Variants in TRIOBP observed in about 807,000 individuals in gnomAD.
TRIOBP encodes TRIO and F-actin binding protein.
In TRIOBP, 169 loss-of-function variants were observed where a neutral mutation model predicts 238.8. The observed-to-expected ratio is 0.71, with a 90% confidence interval of 0.62 to 0.80. The LOEUF (loss-of-function observed/expected upper bound fraction) is 0.80. TRIOBP is among the 30% of genes least tolerant of loss of function. The pLI is 0.00. For missense variants in TRIOBP, 2,838 were observed against 3,122.6 expected (o/e 0.91, Z 2.17); for synonymous variants, 1,150 against 1,274.4 (o/e 0.90, Z 2.08).
At chr22:37,711,637 A>C (rs945169887) in intron 4 of TRIOBP, among the ~76,000 whole-genome samples, 2 of 152,082 alleles carry the variant, frequency 1.3e-5, no homozygotes, top group Admixed American at 6.6e-5. Context: ...AAAACGAAAA[A>C]AAAAACAAAG....
intron 17 of TRIOBP, among the ~76,000 whole-genome samples, chr22:37,764,202 A>T (rs1311504509): frequency 1.3e-5 from 2 of 152,228 alleles, no homozygotes; most frequent in African/African-American, 4.8e-5. Context: ...GCCATGTAAC[A>T]TGATGTAGTC....
chr22:37,736,230 T>C (rs1356554167), intron 9 of TRIOBP, among the ~76,000 whole-genome samples: 1 of 152,188 alleles, frequency 6.6e-6, no homozygotes, highest in East Asian at 1.9e-4. Context: ...GAGGCCAGAA[T>C]CCTGCACCCT....
intron 6 of TRIOBP, among the ~76,000 whole-genome samples, chr22:37,717,944 A>C (rs894819911): frequency 7.9e-5 from 12 of 152,076 alleles, no homozygotes; most frequent in Non-Finnish European, 1.5e-4. Context: ...AGGCGGGGGG[A>C]AGCTCAGGCA....
chr22:37,757,742 G>A lies in TRIOBP; in HGVS notation c.5817G>A (p.Gln1939=). The change falls in exon 16 of 24, where the codon CAG becomes CAA. Residue 1939 remains glutamine (Q), a synonymous_variant. Coordinates refer to ENST00000644935, the MANE Select transcript of TRIOBP (RefSeq NM_001039141.3). ...GTGGCCCTCGGAAGGCGGACGGGCA[G>A]CGTCAGGCCTTGGACTACGTGGAGC... ...SRGGPRKADG[Q]RQALDYVELS... 6.4e-7 allele frequency: 1 copy of A among 1,569,530 alleles called. No individual in the cohort carries two copies. The highest frequency in any genetic ancestry group is 1.2e-5 in the South Asian group (1 of 85,804).
chr22:37,757,557 C>T (rs1213471905), intron 15 of TRIOBP, 56 bp from the exon 16 acceptor site: 1 of 1,540,852 alleles, frequency 6.5e-7, no homozygotes. Flanking sequence ...CAAAAGTGCT[C>T]ATTGTGGGAC....
At chr22:37,709,408 G>C (rs2145818043) in intron 3 of TRIOBP, among the ~76,000 whole-genome samples, 1 of 152,332 alleles carries the variant, frequency 6.6e-6, no homozygotes, top group Admixed American at 6.5e-5. Flanking sequence ...ACTGTAATGA[G>C]GGGCCCCTGC....
intron 11 of TRIOBP, 187 bp from the exon 12 acceptor site, chr22:37,751,585 G>A (rs1925607473): frequency 3.1e-6 from 2 of 651,194 alleles, no homozygotes; most frequent in South Asian, 1.7e-5. Flanking sequence ...AGGGGCCAGG[G>A]CTGCCTCAGT....
intron 4 of TRIOBP, 46 bp downstream of exon 4, chr22:37,710,612 G>A (rs1235995992): frequency 1.3e-6 from 2 of 1,584,066 alleles, no homozygotes; most frequent in African/African-American, 2.7e-5. Flanking sequence ...GGGGTGGAAT[G>A]CCCTCACCCT....
At chr22:37,717,060 T>C (rs4821696) in intron 6 of TRIOBP, among the ~76,000 whole-genome samples, 82,454 of 152,092 alleles carry the variant, frequency 0.54, 23,104 homozygotes, top group East Asian at 0.7. Context: ...AGGCGGCGTG[T>C]CTGGAGTTTG....
chr22:37,745,000 G>C (rs975273157), intron 11 of TRIOBP, among the ~76,000 whole-genome samples: 1 of 152,142 alleles, frequency 6.6e-6, no homozygotes, highest in Non-Finnish European at 1.5e-5. Context: ...TACATAGCTG[G>C]ATTACAGGCG....
rs115800799 is a variant in TRIOBP at position 37,725,367 on chromosome 22, C to A, written c.2811C>A (p.Ile937=). 6.2e-7 allele frequency: 1 copy of A among 1,612,634 alleles called. No individual in the cohort carries two copies. Among genetic ancestry groups the A allele is most frequent in the East Asian group, 2.2e-5 (1 of 44,850 alleles). Residue 937 remains isoleucine, a synonymous_variant, in exon 7 of 24, where the codon ATC becomes ATA. Transcript: ENST00000644935. ...AAAGCGAGGTTCCCTGGGCATCCAT[C>A]GCCCTCCGGCCAACCCAAGGTGACA... is the stretch of plus-strand genomic sequence containing the variant. The part of the protein sequence containing the change: ...SKQSEVPWAS[I]ALRPTQGDRP...
chr22:37,705,763 A>T (rs1922911502), intron 3 of TRIOBP, among the ~76,000 whole-genome samples: 1 of 151,892 alleles, frequency 6.6e-6, no homozygotes, highest in Non-Finnish European at 1.5e-5. Flanking sequence ...TTTAGTAGAG[A>T]TGGGGTTTCA....
chr22:37,699,689 A>C (rs1365287162), intron 2 of TRIOBP, among the ~76,000 whole-genome samples: 2 of 150,814 alleles, frequency 1.3e-5, no homozygotes, highest in African/African-American at 4.9e-5. Context: ...CTACAGGTGC[A>C]TACCACCATG....
At position 37,710,350 on chromosome 22, in the gene TRIOBP, A is replaced by G. The variant is rs562647610; in HGVS notation, c.115-77A>G. 28 of 1,597,078 alleles carry G rather than the reference A, an allele frequency of 1.8e-5. No homozygotes were observed. The African/African-American group carries it at 3.5e-4, about 20-fold the overall frequency. The stretch of plus-strand genomic sequence containing the variant: ...GGAGATGCCTGGAGACTCCCACGCC[A>G]CCGGGAGGGGCTGTGCAGGGGGAGG... On this transcript the variant is annotated intron_variant, in intron 3 of 23. Transcript: ENST00000644935.
chr22:37,723,662 C>T lies in TRIOBP; in HGVS notation c.1106C>T (p.Pro369Leu), dbSNP rs762778729. The change falls in exon 7 of 24, where the codon CCT (proline) becomes CTT (leucine). Residue 369 changes from proline (P) to leucine (L), a missense_variant. Transcript: ENST00000644935. ...TQQDNPQTSF[P>L]TCTPQRENPR... Reference sequence around the variant, plus strand: ...CAGGACAACCCCCAAACTTCTTTTCCTACTTGTACTCCCCAGCGGGAAAAC... The same window carrying T: ...CAGGACAACCCCCAAACTTCTTTTCTTACTTGTACTCCCCAGCGGGAAAAC... 1.9e-6 allele frequency: 3 copies of T among 1,614,152 alleles called. No individual in the cohort carries two copies. In the South Asian group the frequency reaches 3.3e-5, roughly 18 times the overall value.
chr22:37,703,785 A>C (rs563256000), intron 3 of TRIOBP, among the ~76,000 whole-genome samples: 2 of 151,334 alleles, frequency 1.3e-5, no homozygotes, highest in Non-Finnish European at 3.0e-5. Flanking sequence ...GATTACAGGC[A>C]TGAGCCACCG....
At chr22:37,766,118 C>T (rs1398004761) in intron 18 of TRIOBP, among the ~76,000 whole-genome samples, 1 of 152,188 alleles carries the variant, frequency 6.6e-6, no homozygotes, top group East Asian at 1.9e-4. Context: ...CACATGCTAC[C>T]CACGTGCGTG....
At position 37,740,861 on chromosome 22, in the gene TRIOBP, G is replaced by C. The variant is rs746192214; in HGVS notation, c.5185-34G>C. The C allele has an allele frequency of 1.9e-5, 30 of 1,558,916 alleles. No homozygotes were observed. In the Admixed American group the frequency reaches 5.5e-4, roughly 28 times the overall value. ...CAGGGGTGCCCCCATCCTGCCAAAG[G>C]GACCTGGGGCCAACACTGGACCCTG... On this transcript the variant is annotated intron_variant, in intron 10 of 23. Coordinates refer to ENST00000644935, the MANE Select transcript of TRIOBP (RefSeq NM_001039141.3).
chr22:37,727,445 G>T (rs1924229336), intron 7 of TRIOBP, among the ~76,000 whole-genome samples: 2 of 151,794 alleles, frequency 1.3e-5, no homozygotes, highest in African/African-American at 4.8e-5. Context: ...GAGGCGGGCG[G>T]ATCACAAGGT....
Sources: allele counts gnomAD v4.1 joint callset (sites outside exome capture counted in the v4.1 genomes callset), GRCh38; gene constraint gnomAD v4.1.1; transcripts MANE v1.5; gene names NCBI Gene and HGNC (gene_info 2026-07-23, HGNC 2026-07-21).